COBL: variants seen among roughly 807,000 people sequenced by gnomAD.
COBL encodes protein cordon-bleu.
COBL carries 51 observed loss-of-function variants against 98.8 expected under a neutral mutation model. The observed-to-expected ratio is 0.52, with a 90% CI of 0.41 to 0.65. The LOEUF (loss-of-function observed/expected upper bound fraction) is 0.65. COBL is among the 30% of genes least tolerant of loss of function. The pLI is 0.00. For missense variants in COBL, 1,617 were observed against 1,617.5 expected, an observed-to-expected ratio of 1.00 and a Z score of 0.01; for synonymous variants, 634 against 651.7, an observed-to-expected ratio of 0.97 and a Z score of 0.41.
intron 6 of COBL, among the ~76,000 whole-genome samples, chr7:51,134,059 A>G (rs1798996675): frequency 6.6e-6 from 1 of 152,224 alleles, no homozygotes; most frequent in Non-Finnish European, 1.5e-5. Context: ...TGGTGTTAGT[A>G]ACAGTTGCAT....
chr7:51,146,797 C>T (rs553503011), intron 5 of COBL, among the ~76,000 whole-genome samples: 1 of 152,314 alleles, frequency 6.6e-6, no homozygotes, highest in South Asian at 2.1e-4. Context: ...TATTCCCTCA[C>T]TTCTTTCCAA....
chr7:51,296,632 T>C (rs1801441330), intron 1 of COBL, among the ~76,000 whole-genome samples: 1 of 152,156 alleles, frequency 6.6e-6, no homozygotes, highest in Admixed American at 6.5e-5. Context: ...CTGAAAGTAT[T>C]TTACGGAATA....
chr7:51,200,485 G>A (rs564905484), intron 2 of COBL, among the ~76,000 whole-genome samples: 172 of 152,282 alleles, frequency 1.1e-3, no homozygotes, highest in Non-Finnish European at 2.1e-3. Flanking sequence ...GTTACATAAA[G>A]TGTCTGTGGG....
At chr7:51,222,287 C>G (rs915864306) in intron 1 of COBL, among the ~76,000 whole-genome samples, 3 of 152,024 alleles carry the variant, frequency 2.0e-5, no homozygotes, top group Non-Finnish European at 4.4e-5. Flanking sequence ...CTTATACTTA[C>G]AATATTTATA....
At chr7:51,152,464 A>T (rs537538126) in intron 5 of COBL, among the ~76,000 whole-genome samples, 31 of 152,292 alleles carry the variant, frequency 2.0e-4, no homozygotes, top group Non-Finnish European at 1.9e-4. Context: ...TTACATTTAC[A>T]GGGCTGATTG....
intron 1 of COBL, among the ~76,000 whole-genome samples, chr7:51,232,317 G>A (rs1409102164): frequency 6.8e-6 from 1 of 147,544 alleles, no homozygotes; most frequent in Admixed American, 6.8e-5. Flanking sequence ...TACAATATCA[G>A]TCTCTTCCTT....
At chr7:51,080,393 G>A (rs1793525647) in intron 7 of COBL, among the ~76,000 whole-genome samples, 2 of 152,328 alleles carry the variant, frequency 1.3e-5, no homozygotes, top group Middle Eastern at 6.8e-3. Flanking sequence ...CACAATGGAT[G>A]TGAAAGCCAC....
chr7:51,241,333 G>A (rs952711695), intron 1 of COBL, among the ~76,000 whole-genome samples: 1 of 152,156 alleles, frequency 6.6e-6, no homozygotes, highest in Non-Finnish European at 1.5e-5. Flanking sequence ...TATTTTGCAT[G>A]TTATTCATGA....
chr7:51,265,467 G>C (rs535881901), intron 1 of COBL, among the ~76,000 whole-genome samples: 3 of 152,356 alleles, frequency 2.0e-5, no homozygotes, highest in Admixed American at 2.0e-4. Context: ...CTCTGCTCTA[G>C]CAAGGTCACA....
chr7:51,281,692 T>C (rs1799831917), intron 1 of COBL, among the ~76,000 whole-genome samples: 2 of 150,964 alleles, frequency 1.3e-5, no homozygotes, highest in South Asian at 2.1e-4. Flanking sequence ...CCAGTAAATA[T>C]ATCCTTCAAG....
At chr7:51,065,389 G>A (rs551172936) in intron 7 of COBL, 12 of 703,474 alleles carry the variant, frequency 1.7e-5, no homozygotes, top group South Asian at 7.4e-5. Flanking sequence ...TGCTGTGCCC[G>A]GGGCTGTGGT....
intron 6 of COBL, among the ~76,000 whole-genome samples, chr7:51,094,230 G>A (rs1272636943): frequency 6.6e-6 from 1 of 151,874 alleles, no homozygotes; most frequent in African/African-American, 2.4e-5. Context: ...GAGGAGTAGA[G>A]GAGAGAGAGG....
At chr7:51,145,096 C>A (rs1475476036) in intron 5 of COBL, among the ~76,000 whole-genome samples, 1 of 152,000 alleles carries the variant, frequency 6.6e-6, no homozygotes, top group Non-Finnish European at 1.5e-5. Context: ...CTTACTGAAA[C>A]CTCTGCCTCC....
At position 51,240,832 on chromosome 7, in the gene COBL, C is replaced by T. The variant is rs1186561549; in HGVS notation, c.42-20888G>A. On this transcript the variant is annotated intron_variant, in intron 1 of 12. Coordinates refer to ENST00000265136, the MANE Select transcript of COBL (RefSeq NM_015198.5). ...TGCTGGGATTACAGGCATGAACCACCGTGCCCAGCCTACTATTATTTTAAA... is the reference window on the plus strand; with the variant it reads ...TGCTGGGATTACAGGCATGAACCACTGTGCCCAGCCTACTATTATTTTAAA... Among the ~76,000 whole-genome samples, 13 of 152,276 alleles carry T rather than the reference C, an allele frequency of 8.5e-5. No homozygotes were observed. The East Asian group carries it at 2.1e-3, about 25-fold the overall frequency.
intron 7 of COBL, among the ~76,000 whole-genome samples, chr7:51,045,617 C>T (rs1789614957): frequency 6.6e-6 from 1 of 152,192 alleles, no homozygotes. Flanking sequence ...AATGTGTCCC[C>T]ACTAGCTGTC....
At chr7:51,088,551 T>C (rs1011482056) in intron 6 of COBL, among the ~76,000 whole-genome samples, 1 of 152,212 alleles carries the variant, frequency 6.6e-6, no homozygotes, top group African/African-American at 2.4e-5. Flanking sequence ...CAAGACCACA[T>C]TTTAATTTCC....
At chr7:51,043,850 T>C (rs1376468347) in intron 7 of COBL, among the ~76,000 whole-genome samples, 158 bp from the exon 8 acceptor site, 1 of 152,226 alleles carries the variant, frequency 6.6e-6, no homozygotes, top group Non-Finnish European at 1.5e-5. Flanking sequence ...TGAATACTCC[T>C]GAAACATTTT....
intron 2 of COBL, among the ~76,000 whole-genome samples, chr7:51,203,836 A>G (rs1355620940): frequency 6.6e-6 from 1 of 152,154 alleles, no homozygotes; most frequent in Non-Finnish European, 1.5e-5. Context: ...AAACTCTTCC[A>G]AAAAAATAGA....
rs540776059 is a variant in COBL, at chr7:51,208,806, G to T, written c.245+10935C>A. The stretch of plus-strand genomic sequence containing the variant: ...GAAACATGTGCTGTGTCCACTCAGG[G>T]TTAAATGGATTAAGGGCGGTGCAAG... On this transcript the variant is annotated intron_variant, in intron 2 of 12. Coordinates refer to ENST00000265136, the MANE Select transcript of COBL (RefSeq NM_015198.5). Among the ~76,000 whole-genome samples the T allele has an allele frequency of 3.3e-3, 508 of 152,162 alleles. 4 individuals are homozygous for T. The highest frequency in any genetic ancestry group is 0.012 in the African/African-American group (487 of 41,522).
Sources: gnomAD v4.1 joint callset for allele counts (sites outside exome capture counted in the v4.1 genomes callset) on GRCh38, gnomAD v4.1.1 for gene constraint, MANE v1.5 for transcripts, NCBI Gene and HGNC (gene_info 2026-07-23, HGNC 2026-07-21) for gene names.